OR9G4: variants seen among roughly 807,000 people sequenced by gnomAD.
OR9G4 encodes the protein olfactory receptor 9G4.
Under a neutral mutation model 16.7 loss-of-function variants are expected in OR9G4, and 19 were observed. The ratio of observed to expected loss-of-function variants is 1.14; its 90% CI spans 0.79 to 1.67. The LOEUF is 1.67. Ranked by LOEUF, OR9G4 falls within the 40% of genes most tolerant of loss-of-function variation. OR9G4 has a pLI of 0.00. For synonymous variants in OR9G4, 182 were observed against 146.2 expected, an observed-to-expected ratio of 1.24 and a Z score of -1.76; for missense variants, 428 against 370.4, an observed-to-expected ratio of 1.16 and a Z score of -1.28.
At position 56,743,174 on chromosome 11, in the gene OR9G4, A is replaced by G. The variant is rs756525036; in HGVS notation, c.593T>C (p.Val198Ala). 6.2e-7 allele frequency: 1 copy of G among 1,614,170 alleles called. No homozygotes were observed. Among genetic ancestry groups the G allele is most frequent in the Non-Finnish European group, 8.5e-7 (1 of 1,180,018 alleles). ...SCTNTRVYEKVLLGVVGFTVL... is the reference protein window; with the variant it reads ...SCTNTRVYEKALLGVVGFTVL... ...TGTGAAGCCCACCACACCAAGCAGG[A>G]CTTTTTCGTAGACCCTGGTGTTTGT... The change falls in exon 2 of 2, where the codon GTC becomes GCC. Residue 198 changes from valine to alanine, a missense_variant. Transcript: ENST00000641668.
In OR9G4 at chr11:56,743,298, T is replaced by C. The variant is rs137994084; in HGVS notation, c.469A>G (p.Ile157Val). ...CGGAATGTATTGGCAGTATGGGCTA[T>C]GGCATTCAAAAATCCTCCTATGTAG... ...GSYIGGFLNA[I>V]AHTANTFRLH... The change falls in exon 2 of 2, where the codon ATA (isoleucine) becomes GTA (valine). Residue 157 changes from isoleucine (I) to valine (V), a missense_variant. By Grantham distance (29) the Ile-to-Val change is conservative. Coordinates refer to ENST00000641668, the MANE Select transcript of OR9G4 (RefSeq NM_001005284.2). 17 of 1,614,082 alleles carry C rather than the reference T, an allele frequency of 1.1e-5. No homozygotes were observed. Among genetic ancestry groups the C allele is most frequent in the African/African-American group, 8.0e-5 (6 of 74,928 alleles).
chr11:56,743,814 C>T (rs1460742897), intron 1 of OR9G4, 26 bp from the exon 2 acceptor site: 6 of 1,603,164 alleles, frequency 3.7e-6, no homozygotes, highest in Non-Finnish European at 5.1e-6. Flanking sequence ...AAAATCATCA[C>T]TTAGTGTTTT....
In OR9G4 at chr11:56,743,218, T is replaced by C. The variant is rs1397053; in HGVS notation, c.549A>G (p.Pro183=). The change falls in exon 2 of 2, where the codon CCA becomes CCG. Residue 183 remains proline (P), a synonymous_variant. Transcript: ENST00000641668. Reference sequence around the variant, plus strand: ...TGTTTGTACAGGACATTTTTACCAATGGTGGTGCATCACAGAAAAAGTGGT... The same window carrying C: ...TGTTTGTACAGGACATTTTTACCAACGGTGGTGCATCACAGAAAAAGTGGT... ...IIDHFFCDAP[P]LVKMSCTNTR... is the part of the protein sequence containing the mutation. 0.2 allele frequency: 323,024 copies of C among 1,613,412 alleles called. 34,686 individuals are homozygous for C. The highest frequency in any genetic ancestry group is 0.24 in the Middle Eastern group (1,468 of 6,058).
At chr11:56,747,172 A>T (rs1377154840) in intron 1 of OR9G4, among the ~76,000 whole-genome samples, 5 of 132,908 alleles carry the variant, frequency 3.8e-5, no homozygotes, top group Non-Finnish European at 6.3e-5. Context: ...TCTCTGTCCC[A>T]GCATCAAAGA....
intron 1 of OR9G4, among the ~76,000 whole-genome samples, chr11:56,745,690 T>C (rs1590608802): frequency 6.6e-6 from 1 of 151,060 alleles, no homozygotes; most frequent in East Asian, 2.0e-4. Flanking sequence ...GAGAATCGCT[T>C]GAACCCAGGA....
chr11:56,743,234 A>T lies in OR9G4; in HGVS notation c.533T>A (p.Phe178Tyr), dbSNP rs769789291. The T allele has an allele frequency of 6.2e-7, 1 of 1,614,106 alleles. No homozygotes were observed. Among genetic ancestry groups the T allele is most frequent in the Non-Finnish European group, 8.5e-7 (1 of 1,179,950 alleles). The change falls in exon 2 of 2, where the codon TTC becomes TAC. Residue 178 changes from phenylalanine to tyrosine, a missense_variant. Coordinates refer to ENST00000641668, the MANE Select transcript of OR9G4 (RefSeq NM_001005284.2). ...FCGKNIIDHF[F>Y]CDAPPLVKMS... ...TTTTACCAATGGTGGTGCATCACAG[A>T]AAAAGTGGTCAATGATATTTTTACC...
At position 56,742,663 on chromosome 11, in the gene OR9G4, T is replaced by C; in HGVS notation, c.*165A>G. On this transcript the variant is annotated 3_prime_UTR_variant, in exon 2 of 2. Transcript: ENST00000641668. ...TATAAGTTTTAAATATTACTTTGTT[T>C]TGTTTACATCATAACAAACGAATAA... 1 of 629,574 alleles carries C rather than the reference T, an allele frequency of 1.6e-6. No individual in the cohort carries two copies. Among genetic ancestry groups the C allele is most frequent in the Non-Finnish European group, 2.7e-6 (1 of 366,630 alleles). 39.0% of individuals were successfully genotyped at this position (629,574 alleles called of 1,614,324 possible). A position where few individuals can be genotyped will look rare whatever the true frequency, so the allele number is the denominator to read the frequency against.
Position 56,743,263 on chromosome 11 carries a change from A to G in OR9G4, c.504T>C (p.Phe168=), listed in dbSNP as rs1456123361. The G allele has an allele frequency of 1.2e-6, 2 of 1,614,092 alleles. No homozygotes were observed. The highest frequency in any genetic ancestry group is 2.7e-5 in the African/African-American group (2 of 74,924). ...AGTGGTCAATGATATTTTTACCACA[A>G]AAATGCAGGCGGAATGTATTGGCAG... ...AHTANTFRLH[F]CGKNIIDHFF... Residue 168 remains phenylalanine, a synonymous_variant, in exon 2 of 2, where the codon TTT becomes TTC. Transcript: ENST00000641668.
chr11:56,743,852 T>C lies in OR9G4; in HGVS notation c.-22-64A>G, dbSNP rs1224513509. The C allele has an allele frequency of 2.6e-6, 4 of 1,529,040 alleles. No individual in the cohort carries two copies. The South Asian group carries it at 5.1e-5, about 20-fold the overall frequency. The allele number at this position is 1,529,040 out of a possible 1,614,324, so 94.7% of individuals were successfully genotyped here. ...CTATTCACACAAGTTGACAAGGGTA[T>C]CAATTAAATCAACAATTACTAAGAA... On this transcript the variant is annotated intron_variant, in intron 1 of 1. Coordinates refer to ENST00000641668, the MANE Select transcript of OR9G4 (RefSeq NM_001005284.2).
In OR9G4 at chr11:56,742,934, T is replaced by C. The variant is rs748900617; in HGVS notation, c.833A>G (p.Tyr278Cys). 18 of 1,614,078 alleles carry C rather than the reference T, an allele frequency of 1.1e-5. No individual in the cohort carries two copies. Among genetic ancestry groups the C allele is most frequent in the Non-Finnish European group, 2.5e-6 (3 of 1,180,000 alleles). The change falls in exon 2 of 2, where the codon TAC (tyrosine) becomes TGC (cysteine). Residue 278 changes from tyrosine to cysteine, a missense_variant. Tyr to Cys is a radical substitution (Grantham distance 194). Coordinates refer to ENST00000641668, the MANE Select transcript of OR9G4 (RefSeq NM_001005284.2). ...GTTGAGCAGTGGGTTGATCACGGTG[T>C]AGAACAGAGCAGCTACTTTGTCCCT... ...LERDKVAALFYTVINPLLNPL... is the reference protein window; with the variant it reads ...LERDKVAALFCTVINPLLNPL...
intron 1 of OR9G4, among the ~76,000 whole-genome samples, chr11:56,745,338 T>C (rs941732421): frequency 4.6e-5 from 7 of 152,184 alleles, no homozygotes; most frequent in African/African-American, 1.4e-4. Context: ...GGGTCCAATA[T>C]TTGGTACATA....
Position 56,743,109 on chromosome 11 carries a change from T to A in OR9G4, c.658A>T (p.Asn220Tyr), listed in dbSNP as rs757988644. 6.2e-7 allele frequency: 1 copy of A among 1,614,146 alleles called. No individual in the cohort carries two copies. The highest frequency in any genetic ancestry group is 1.1e-5 in the South Asian group (1 of 91,078). ...SILAILISYV[N>Y]ILLAILRIHS... ...ATTCTCAGGATAGCCAGGAGGATGT[T>A]GACATAGGAAATCAGGATAGCAAGA... The change falls in exon 2 of 2, where the codon AAC becomes TAC. Residue 220 changes from asparagine (N) to tyrosine (Y), a missense_variant. Transcript: ENST00000641668.
chr11:56,744,216 T>C (rs1256556661), intron 1 of OR9G4, among the ~76,000 whole-genome samples: 1 of 152,052 alleles, frequency 6.6e-6, no homozygotes. Flanking sequence ...TACGGGCACC[T>C]ACCACCACAC....
Position 56,742,782 on chromosome 11 carries a change from A to T in OR9G4, c.*46T>A. 6.5e-7 allele frequency: 1 copy of T among 1,549,398 alleles called. No individual in the cohort carries two copies. Among genetic ancestry groups the T allele is most frequent in the African/African-American group, 1.4e-5 (1 of 73,218 alleles). ...ATGCAAATGAACACATTTATAAGCC[A>T]ATAATCTGGAAAATTCAATAACAGC... On this transcript the variant is annotated 3_prime_UTR_variant, in exon 2 of 2. Coordinates refer to ENST00000641668, the MANE Select transcript of OR9G4 (RefSeq NM_001005284.2).
rs768501551 is a variant in OR9G4, at chr11:56,743,223, G to A, written c.544C>T (p.Pro182Ser). 10 of 1,613,984 alleles carry A rather than the reference G, an allele frequency of 6.2e-6. No homozygotes were observed. In the East Asian group the frequency reaches 2.0e-4, roughly 32 times the overall value. The change falls in exon 2 of 2, where the codon CCA becomes TCA. Residue 182 changes from proline to serine, a missense_variant. By Grantham distance (74) the Pro-to-Ser change is moderately conservative. Transcript: ENST00000641668. ...GTACAGGACATTTTTACCAATGGTG[G>A]TGCATCACAGAAAAAGTGGTCAATG... Reference protein sequence around the residue: ...NIIDHFFCDAPPLVKMSCTNT... With the variant: ...NIIDHFFCDASPLVKMSCTNT...
intron 1 of OR9G4, among the ~76,000 whole-genome samples, chr11:56,744,295 C>T (rs2135059965): frequency 6.6e-6 from 1 of 152,256 alleles, no homozygotes; most frequent in African/African-American, 2.4e-5. Context: ...CTTAGGTGAT[C>T]CACCCGCCTC....
chr11:56,742,891 C>T lies in OR9G4; in HGVS notation c.876G>A (p.Leu292=). 5.0e-6 allele frequency: 8 copies of T among 1,614,046 alleles called. No individual in the cohort carries two copies. Among genetic ancestry groups the T allele is most frequent in the Non-Finnish European group, 6.8e-6 (8 of 1,179,942 alleles). ...NPLLNPLIYS[L]RNKDIKEAFR... is the part of the protein sequence containing the mutation. ...AGGCCTCTTTGATATCTTTGTTTCT[C>T]AGGCTATAGATGAGAGGGTTGAGCA... The change falls in exon 2 of 2, where the codon CTG becomes CTA. Residue 292 remains leucine (L), a synonymous_variant. Transcript: ENST00000641668.
intron 1 of OR9G4, among the ~76,000 whole-genome samples, chr11:56,746,292 C>CA (rs71470125): frequency 0.012 from 859 of 70,538 alleles, 37 homozygotes; most frequent in African/African-American, 0.015. Context: ...GACTCCGTCT[C>CA]AAAAAAAAAA....
intron 1 of OR9G4, 169 bp from the exon 2 acceptor site, chr11:56,743,957 C>A (rs1444351920): frequency 8.8e-6 from 6 of 684,060 alleles, no homozygotes; most frequent in South Asian, 2.1e-5. Context: ...GAATTGGAGT[C>A]AAAAATAATT....
Sources: gnomAD v4.1 joint callset for allele counts (sites outside exome capture counted in the v4.1 genomes callset) on GRCh38, gnomAD v4.1.1 for gene constraint, MANE v1.5 for transcripts, NCBI Gene and HGNC (gene_info 2026-07-23, HGNC 2026-07-21) for gene names.